The following CDH7 variants were observed in gnomAD, a reference collection of about 807,000 sequenced individuals.
The protein encoded by CDH7 is cadherin 7.
In CDH7, 25 loss-of-function variants were observed where a neutral mutation model predicts 71.8. The ratio of observed to expected loss-of-function variants is 0.35; its 90% confidence interval spans 0.25 to 0.49. The LOEUF is 0.49. Ranked by LOEUF, CDH7 falls within the 20% of genes least tolerant of loss-of-function variation. The pLI, the probability that CDH7 is intolerant of heterozygous loss-of-function variation, is 0.99. For synonymous variants in CDH7, 381 were observed against 363.8 expected, an observed-to-expected ratio of 1.05 and a Z score of -0.54; for missense variants, 862 against 974.6, an observed-to-expected ratio of 0.88 and a Z score of 1.54.
chr18:65,751,792 C>T (rs1303845299), intron 1 of CDH7, among the ~76,000 whole-genome samples: 2 of 152,206 alleles, frequency 1.3e-5, no homozygotes, highest in African/African-American at 4.8e-5. Context: ...CGCCCTGCTT[C>T]TCTGAATGCA....
intron 2 of CDH7, among the ~76,000 whole-genome samples, chr18:65,771,186 T>C (rs1027238577): frequency 6.6e-6 from 1 of 152,144 alleles, no homozygotes; most frequent in Non-Finnish European, 1.5e-5. Flanking sequence ...AGGGTTTCAG[T>C]TTATGAATTC....
intron 2 of CDH7, among the ~76,000 whole-genome samples, chr18:65,778,529 C>CTTTTTTTTTTTTTTTTTTTTTTTTTT (rs1156727313): frequency 4.7e-5 from 4 of 84,338 alleles, no homozygotes; most frequent in Non-Finnish European, 7.1e-5. Flanking sequence ...GCGTCTCACT[C>CTTTTTTTTTTTTTTTTTTTTTTTTTT]TTTTTTTTTT....
At chr18:65,783,102 C>T (rs1910374608) in intron 2 of CDH7, among the ~76,000 whole-genome samples, 1 of 152,112 alleles carries the variant, frequency 6.6e-6, no homozygotes, top group Non-Finnish European at 1.5e-5. Context: ...TCAAGAATGA[C>T]CACAGATAAA....
chr18:65,858,811 T>G lies in CDH7; in HGVS notation c.1373-114T>G, dbSNP rs1360708148. 1.1e-5 allele frequency: 11 copies of G among 987,156 alleles called. No homozygotes were observed. In the Admixed American group the frequency reaches 2.4e-4, roughly 21 times the overall value. 61.1% of individuals were successfully genotyped at this position (987,156 alleles called of 1,614,324 possible). A position where few individuals can be genotyped will look rare whatever the true frequency, so the allele number is the denominator to read the frequency against. ...TTTTCGTATTTTCTATAGCTCCTTT[T>G]AAGTAATACAGCATTATGATTCTAG... On this transcript the variant is annotated intron_variant, in intron 8 of 11. Coordinates refer to ENST00000397968, the MANE Select transcript of CDH7 (RefSeq NM_004361.5).
Position 65,762,714 on chromosome 18 carries a change from A to G in CDH7, c.-129A>G, listed in dbSNP as rs1354216365. ...GTGACCTCTTCCAATCCAACACTCTACAGATTATTATCTCTGGACTCCCAG... is the reference window on the plus strand; with the variant it reads ...GTGACCTCTTCCAATCCAACACTCTGCAGATTATTATCTCTGGACTCCCAG... On this transcript the variant is annotated 5_prime_UTR_variant, in exon 2 of 12. Coordinates refer to ENST00000397968, the MANE Select transcript of CDH7 (RefSeq NM_004361.5). The G allele has an allele frequency of 3.2e-5, 22 of 693,012 alleles. No homozygotes were observed. The highest frequency in any genetic ancestry group is 4.0e-4 in the Middle Eastern group (1 of 2,500). 42.9% of individuals were successfully genotyped at this position (693,012 alleles called of 1,614,324 possible).
chr18:65,830,803 G>GT (rs1912324512), intron 6 of CDH7, among the ~76,000 whole-genome samples: 1 of 131,446 alleles, frequency 7.6e-6, no homozygotes, highest in African/African-American at 3.0e-5. Context: ...GTCATTTTAA[G>GT]TTTTTTTCCT....
Position 65,862,738 on chromosome 18 carries a change from T to A in CDH7, c.1685T>A (p.Ile562Asn), listed in dbSNP as rs1308816376. 1 of 1,614,108 alleles carries A rather than the reference T, an allele frequency of 6.2e-7. No individual in the cohort carries two copies. The highest frequency in any genetic ancestry group is 1.3e-5 in the African/African-American group (1 of 75,048). ...RQEQSVYYLP[I>N]FIVDSGSPSL... ...GAACAATCAGTTTACTATCTGCCAA[T>A]TTTCATTGTGGACAGTGGATCTCCC... The change falls in exon 11 of 12, where the codon ATT (isoleucine) becomes AAT (asparagine). Residue 562 changes from isoleucine (I) to asparagine (N), a missense_variant. Physicochemically the swap from Ile to Asn is moderately radical, Grantham distance 149. Coordinates refer to ENST00000397968, the MANE Select transcript of CDH7 (RefSeq NM_004361.5).
At position 65,852,308 on chromosome 18, in the gene CDH7, C is replaced by T. The variant is rs76129241; in HGVS notation, c.1236-5508C>T. Among the ~76,000 whole-genome samples the T allele has an allele frequency of 5.3e-3, 803 of 152,204 alleles. 5 individuals are homozygous for T. Among genetic ancestry groups the T allele is most frequent in the South Asian group, 0.018 (85 of 4,810 alleles). Reference sequence around the variant, plus strand: ...ACTGTGAAATTTTAGAGTCCAGTATCGAAATAACCTCAATAATAATATATG... The same window carrying T: ...ACTGTGAAATTTTAGAGTCCAGTATTGAAATAACCTCAATAATAATATATG... On this transcript the variant is annotated intron_variant, in intron 7 of 11. Coordinates refer to ENST00000397968, the MANE Select transcript of CDH7 (RefSeq NM_004361.5).
At chr18:65,835,358 G>A (rs377514568) in intron 6 of CDH7, among the ~76,000 whole-genome samples, 21 of 152,126 alleles carry the variant, frequency 1.4e-4, no homozygotes, top group Non-Finnish European at 3.1e-4. Context: ...GAGTTCCAGC[G>A]CTGCTCCAGA....
rs942845414 is a variant in CDH7, at chr18:65,809,840, C to A, written c.347C>A (p.Ala116Asp). Reference protein sequence around the residue: ...ATKRLDREEQAYYTLRAQALD... With the variant: ...ATKRLDREEQDYYTLRAQALD... ...AAGAGACTGGATCGTGAGGAGCAGG[C>A]CTACTACACGCTCCGAGCTCAAGCG... Residue 116 changes from alanine to aspartate, a missense_variant, in exon 3 of 12, where the codon GCC becomes GAC. Transcript: ENST00000397968. The A allele has an allele frequency of 6.2e-7, 1 of 1,613,758 alleles. No individual in the cohort carries two copies. The highest frequency in any genetic ancestry group is 8.5e-7 in the Non-Finnish European group (1 of 1,179,888).
At chr18:65,756,002 AC>A (rs1248925823) in intron 1 of CDH7, among the ~76,000 whole-genome samples, 1 of 152,184 alleles carries the variant, frequency 6.6e-6, no homozygotes, top group African/African-American at 2.4e-5. Flanking sequence ...AAAACAAAAA[AC>A]AAAACAAAAC....
rs1456476161 is a variant in CDH7 at position 65,873,285 on chromosome 18, A to T, written c.1865-7116A>T. Among the ~76,000 whole-genome samples, 3 of 152,220 alleles carry T rather than the reference A, an allele frequency of 2.0e-5. No homozygotes were observed. The South Asian group carries it at 6.2e-4, about 31-fold the overall frequency. On this transcript the variant is annotated intron_variant, in intron 11 of 11. Transcript: ENST00000397968. ...CTATTGTTCAACATGTCATTTGACAATAAATCTGAGAATACCTCTAAGACC... is the reference window on the plus strand; with the variant it reads ...CTATTGTTCAACATGTCATTTGACATTAAATCTGAGAATACCTCTAAGACC...
At chr18:65,771,550 G>T (rs1186084542) in intron 2 of CDH7, among the ~76,000 whole-genome samples, 2 of 151,818 alleles carry the variant, frequency 1.3e-5, no homozygotes, top group Middle Eastern at 3.4e-3. Flanking sequence ...GCATGTGCCT[G>T]TTGTAATCCC....
chr18:65,851,264 TAC>T (rs372614434), intron 7 of CDH7, among the ~76,000 whole-genome samples: 54 of 150,704 alleles, frequency 3.6e-4, no homozygotes, highest in African/African-American at 1.2e-3. Context: ...CTTACAGCAA[TAC>T]ACACACACAC....
At chr18:65,803,329 A>G (rs1370741467) in intron 2 of CDH7, 2 of 152,226 alleles carry the variant, frequency 1.3e-5, no homozygotes, top group East Asian at 3.8e-4. Flanking sequence ...AATAAAAACA[A>G]TATGAGTAGT....
intron 2 of CDH7, among the ~76,000 whole-genome samples, chr18:65,798,412 A>C (rs1029663002): frequency 7.2e-5 from 11 of 152,204 alleles, no homozygotes; most frequent in African/African-American, 2.7e-4. Context: ...TCTGAAGGAG[A>C]GAGCATGGTA....
chr18:65,855,352 G>GAAA (rs71167163), intron 7 of CDH7, among the ~76,000 whole-genome samples: 2 of 145,154 alleles, frequency 1.4e-5, no homozygotes, highest in Non-Finnish European at 1.5e-5. Flanking sequence ...ATTGACAAAG[G>GAAA]AAAAAAAAAA....
At chr18:65,781,774 C>T (rs1173715452) in intron 2 of CDH7, among the ~76,000 whole-genome samples, 4,094 of 65,440 alleles carry the variant, frequency 0.063, 432 homozygotes, top group African/African-American at 0.078. Context: ...TTCTTTCCTT[C>T]CTTCCTTCCT....
chr18:65,754,641 G>A (rs747678385), intron 1 of CDH7, among the ~76,000 whole-genome samples: 20 of 152,206 alleles, frequency 1.3e-4, no homozygotes, highest in Middle Eastern at 3.4e-3. Flanking sequence ...ATTATAATGC[G>A]AATATCAGCA....
Sources: gnomAD v4.1 joint callset for allele counts (sites outside exome capture counted in the v4.1 genomes callset) on GRCh38, gnomAD v4.1.1 for gene constraint, MANE v1.5 for transcripts, NCBI Gene and HGNC (gene_info 2026-07-23, HGNC 2026-07-21) for gene names.